Variants in NFIB observed in about 807,000 individuals in gnomAD.
NFIB encodes nuclear factor 1 B-type.
A neutral mutation model predicts 61.5 loss-of-function variants in NFIB; 11 were observed. The observed-to-expected ratio is 0.18, with a 90% confidence interval of 0.11 to 0.30. NFIB has a LOEUF of 0.30. NFIB is among the 10% of genes least tolerant of loss of function. NFIB has a pLI of 1.00. For missense variants in NFIB, 471 were observed against 608.9 expected, an observed-to-expected ratio of 0.77 and a Z score of 2.38; for synonymous variants, 260 against 216.5, an observed-to-expected ratio of 1.20 and a Z score of -1.76.
intron 2 of NFIB, among the ~76,000 whole-genome samples, chr9:14,268,847 A>T (rs951882500): frequency 2.6e-5 from 4 of 152,196 alleles, no homozygotes; most frequent in Non-Finnish European, 5.9e-5. Flanking sequence ...ATGTTCACTG[A>T]ATTAGACATA....
At chr9:14,353,051 G>A (rs62532794) in intron 1 of NFIB, among the ~76,000 whole-genome samples, 7,883 of 152,184 alleles carry the variant, frequency 0.052, 309 homozygotes, top group African/African-American at 0.1. Flanking sequence ...CAAGCTGGTG[G>A]GGTTACAAGG....
intron 2 of NFIB, among the ~76,000 whole-genome samples, chr9:14,182,708 C>CTCTCTCTCTCTCTG (rs778914837): frequency 1.5e-4 from 15 of 97,002 alleles, no homozygotes; most frequent in Non-Finnish European, 2.4e-4. Flanking sequence ...CTCTCTCTCT[C>CTCTCTCTCTCTCTG]TGTGTGTGTG....
intron 6 of NFIB, among the ~76,000 whole-genome samples, chr9:14,145,795 C>T (rs1003263691): frequency 4.0e-5 from 6 of 151,824 alleles, no homozygotes; most frequent in East Asian, 3.9e-4. Flanking sequence ...AGACTACAGG[C>T]GCACACCACT....
intron 1 of NFIB, among the ~76,000 whole-genome samples, chr9:14,384,412 G>C (rs1299523049): frequency 1.3e-5 from 2 of 152,174 alleles, no homozygotes; most frequent in African/African-American, 4.8e-5. Context: ...CATGATACTT[G>C]ATAGCTCAGC....
chr9:14,158,790 G>A (rs1445145093), intron 3 of NFIB, among the ~76,000 whole-genome samples: 2 of 152,134 alleles, frequency 1.3e-5, no homozygotes, highest in Non-Finnish European at 2.9e-5. Context: ...AATGATTAGG[G>A]TCGGATTGTA....
chr9:14,274,965 G>T (rs557422166), intron 2 of NFIB, among the ~76,000 whole-genome samples: 9 of 152,184 alleles, frequency 5.9e-5, no homozygotes, highest in Non-Finnish European at 8.8e-5. Flanking sequence ...TTAGGCAACA[G>T]ATAAGAGATA....
the NFIB span, among the ~76,000 whole-genome samples, chr9:14,506,645 T>C: frequency 1.3e-5 from 2 of 152,098 alleles, no homozygotes; most frequent in Middle Eastern, 3.2e-3. Flanking sequence ...GTAGGTTAGG[T>C]TTATTCTAAA....
chr9:14,087,412 G>A lies in NFIB; in HGVS notation c.*897C>T, dbSNP rs1353626285. On this transcript the variant is annotated 3_prime_UTR_variant, in exon 11 of 11. Transcript: ENST00000380953. ...GACTTATAATCATGATTCCCCTTTA[G>A]ATATAAATTTATAAATTGCACTTGC... is the stretch of plus-strand genomic sequence containing the variant. The A allele has an allele frequency of 4.8e-6, 1 of 209,624 alleles. No individual in the cohort carries two copies. Among genetic ancestry groups the A allele is most frequent in the Non-Finnish European group, 9.7e-6 (1 of 102,812 alleles). 13.0% of individuals were successfully genotyped at this position (209,624 alleles called of 1,614,324 possible).
At chr9:14,277,951 G>A (rs555310525) in intron 2 of NFIB, among the ~76,000 whole-genome samples, 4 of 152,208 alleles carry the variant, frequency 2.6e-5, no homozygotes, top group South Asian at 4.2e-4. Flanking sequence ...ATGGCAAAGC[G>A]CTCACAAAGA....
At chr9:14,257,811 G>A (rs560192185) in intron 2 of NFIB, among the ~76,000 whole-genome samples, 1 of 152,234 alleles carries the variant, frequency 6.6e-6, no homozygotes, top group African/African-American at 2.4e-5. Flanking sequence ...GACCAATAAT[G>A]TGCCAGCTAT....
intron 1 of NFIB, among the ~76,000 whole-genome samples, chr9:14,380,622 C>CA (rs992828721): frequency 5.9e-5 from 9 of 151,566 alleles, no homozygotes; most frequent in South Asian, 2.1e-4. Context: ...CTAATAAATC[C>CA]AAAAAAAATG....
the NFIB span, among the ~76,000 whole-genome samples, chr9:14,490,215 T>C: frequency 2.0e-5 from 3 of 152,318 alleles, no homozygotes; most frequent in East Asian, 3.9e-4. Context: ...TTGCATTTCA[T>C]ATGAATCAAA....
intron 2 of NFIB, among the ~76,000 whole-genome samples, chr9:14,282,137 T>C (rs2058415272): frequency 4.6e-5 from 7 of 152,206 alleles, no homozygotes; most frequent in Admixed American, 2.6e-4. Context: ...GGATTTAAGT[T>C]ACATTATTTG....
the NFIB span, among the ~76,000 whole-genome samples, chr9:14,428,996 G>A: frequency 6.6e-6 from 1 of 152,132 alleles, no homozygotes; most frequent in South Asian, 2.1e-4. Context: ...CGTCTTGACC[G>A]GGACCTCCCT....
chr9:14,287,626 T>C (rs561857594), intron 2 of NFIB, among the ~76,000 whole-genome samples: 2 of 151,888 alleles, frequency 1.3e-5, no homozygotes, highest in African/African-American at 4.8e-5. Context: ...GGTTTCACCA[T>C]GGCCAGGCTG....
Position 14,179,484 on chromosome 9 carries a change from G to A in NFIB, c.616+243C>T, listed in dbSNP as rs540306695. 2.6e-4 allele frequency among the ~76,000 whole-genome samples: 39 copies of A among 152,204 alleles called. 2 individuals are homozygous for A. In the South Asian group the frequency reaches 6.2e-3, roughly 24 times the overall value. On this transcript the variant is annotated intron_variant, in intron 3 of 10. Transcript: ENST00000380953. ...AAAGATACACAACTAAAATATATGC[G>A]TATTTATTTTCAAAGAAACACCAAC...
Position 14,172,729 on chromosome 9 carries a change from A to C in NFIB, c.616+6998T>G, listed in dbSNP as rs529984318. Among the ~76,000 whole-genome samples the C allele has an allele frequency of 1.2e-3, 178 of 152,042 alleles. 2 individuals are homozygous for C. Among genetic ancestry groups the C allele is most frequent in the African/African-American group, 4.1e-3 (172 of 41,482 alleles). ...CTTATGCATCTTCTGTAACTTCGGT[A>C]TGTCATCTTAAGCCTTTAGAGAAGA... On this transcript the variant is annotated intron_variant, in intron 3 of 10. Transcript: ENST00000380953.
At chr9:14,258,713 C>G (rs956781821) in intron 2 of NFIB, among the ~76,000 whole-genome samples, 1 of 152,186 alleles carries the variant, frequency 6.6e-6, no homozygotes, top group South Asian at 2.1e-4. Flanking sequence ...TTCCAAAATA[C>G]GTGCTTTTAA....
chr9:14,448,327 C>A, the NFIB span, among the ~76,000 whole-genome samples: 8 of 151,954 alleles, frequency 5.3e-5, no homozygotes, highest in Non-Finnish European at 1.2e-4. Flanking sequence ...TTGTATCTTG[C>A]GGTATCTATA....
Sources: allele counts gnomAD v4.1 joint callset (sites outside exome capture counted in the v4.1 genomes callset), GRCh38; gene constraint gnomAD v4.1.1; transcripts MANE v1.5; gene names NCBI Gene and HGNC (gene_info 2026-07-23, HGNC 2026-07-21).